The following ZMYND8 variants were observed in gnomAD, a reference collection of about 807,000 sequenced individuals.
ZMYND8 encodes the protein zinc finger MYND-type containing 8.
A neutral mutation model predicts 140.8 loss-of-function variants in ZMYND8; 37 were observed. The ratio of observed to expected loss-of-function variants is 0.26; its 90% CI spans 0.20 to 0.35. ZMYND8 has a LOEUF of 0.35. ZMYND8 is among the 10% of genes least tolerant of loss of function. The pLI, the probability that ZMYND8 is intolerant of heterozygous loss-of-function variation, is 1.00. For missense variants in ZMYND8, 1,068 were observed against 1,570.0 expected (o/e 0.68, Z 5.40); for synonymous variants, 592 against 597.1 (o/e 0.99, Z 0.12).
chr20:47,349,954 C>T (rs997760967), intron 1 of ZMYND8: 2 of 1,533,898 alleles, frequency 1.3e-6, no homozygotes, highest in African/African-American at 2.7e-5. Flanking sequence ...CTTGTAACAG[C>T]CTAGAGGAGC....
At chr20:47,347,963 C>G (rs749426085) in intron 1 of ZMYND8, 37 bp from the exon 2 acceptor site, 1 of 1,608,166 alleles carries the variant, frequency 6.2e-7, no homozygotes, top group Non-Finnish European at 8.5e-7. Context: ...TTTAGGAAGG[C>G]TGAGAACTTG....
At chr20:47,234,486 T>C (rs1054798074) in intron 16 of ZMYND8, among the ~76,000 whole-genome samples, 19 of 152,226 alleles carry the variant, frequency 1.2e-4, no homozygotes, top group Non-Finnish European at 2.8e-4. Flanking sequence ...GAGTGGATCC[T>C]TTCCCAGTTG....
rs567618551 is a variant in ZMYND8, at chr20:47,294,260, G to A, written c.567+406C>T. On this transcript the variant is annotated intron_variant, in intron 5 of 22. Coordinates refer to ENST00000471951, the MANE Select transcript of ZMYND8 (RefSeq NM_001281775.3). The stretch of plus-strand genomic sequence containing the variant: ...CCAGCTACTGGGGAGGCAGAGGCAC[G>A]AGAATCACTTGAACCTGGGAGGCAG... Among the ~76,000 whole-genome samples, 10 of 151,994 alleles carry A rather than the reference G, an allele frequency of 6.6e-5. 1 individual carries two copies. The highest frequency in any genetic ancestry group is 4.1e-4 in the South Asian group (2 of 4,822).
At chr20:47,308,879 T>C (rs1331924224) in intron 3 of ZMYND8, among the ~76,000 whole-genome samples, 1 of 152,222 alleles carries the variant, frequency 6.6e-6, no homozygotes, top group Non-Finnish European at 1.5e-5. Flanking sequence ...TCTCGTTTAA[T>C]TCAACTTTCC....
intron 2 of ZMYND8, among the ~76,000 whole-genome samples, chr20:47,343,487 A>G (rs1015350214): frequency 3.9e-5 from 6 of 152,130 alleles, no homozygotes; most frequent in African/African-American, 1.4e-4. Flanking sequence ...CATGAGGGAG[A>G]AAAGACTAAT....
chr20:47,352,075 T>A (rs1327409855), intron 1 of ZMYND8: 2 of 915,502 alleles, frequency 2.2e-6, no homozygotes, highest in Non-Finnish European at 2.6e-6. Flanking sequence ...GGTAGAAGGT[T>A]AGGAATCGTG....
chr20:47,251,797 C>G (rs1051353289), intron 12 of ZMYND8, among the ~76,000 whole-genome samples: 1 of 139,566 alleles, frequency 7.2e-6, no homozygotes, highest in Non-Finnish European at 1.5e-5. Context: ...GCCCGGCCGC[C>G]GCACCGTCTG....
intron 8 of ZMYND8, 125 bp downstream of exon 8, chr20:47,287,104 G>T (rs1439199320): frequency 5.3e-6 from 4 of 758,024 alleles, no homozygotes; most frequent in Non-Finnish European, 9.3e-6. Context: ...AAGAGTAGGG[G>T]TGTGGCCTCA....
intron 7 of ZMYND8, among the ~76,000 whole-genome samples, chr20:47,289,559 T>C (rs536149449): frequency 1.6e-4 from 24 of 150,520 alleles, no homozygotes; most frequent in East Asian, 7.8e-4. Context: ...ACAACCCAAA[T>C]ATCCATGAGC....
chr20:47,261,570 TCA>T (rs2075157083), intron 12 of ZMYND8, among the ~76,000 whole-genome samples: 1 of 151,192 alleles, frequency 6.6e-6, no homozygotes, highest in Non-Finnish European at 1.5e-5. Context: ...ATCATCATCA[TCA>T]TCATCATCAT....
chr20:47,291,951 T>C lies in ZMYND8; in HGVS notation c.568-63A>G, dbSNP rs911068126. 1.4e-5 allele frequency: 20 copies of C among 1,435,024 alleles called. No individual in the cohort carries two copies. The African/African-American group carries it at 1.4e-4, about 10-fold the overall frequency. 88.9% of individuals were successfully genotyped at this position (1,435,024 alleles called of 1,614,324 possible). On this transcript the variant is annotated intron_variant, in intron 5 of 22. Transcript: ENST00000471951. ...ATTACTATGGAAAACCAAGCATTAATGCTAACAAAAGGCTTGAAAAATTGA... is the reference window on the plus strand; with the variant it reads ...ATTACTATGGAAAACCAAGCATTAACGCTAACAAAAGGCTTGAAAAATTGA...
intron 21 of ZMYND8, among the ~76,000 whole-genome samples, chr20:47,213,154 C>A (rs568663759): frequency 2.0e-5 from 3 of 152,072 alleles, no homozygotes; most frequent in Admixed American, 2.0e-4. Context: ...ACAGTGATAA[C>A]AGAATAGGGA....
chr20:47,336,531 G>A (rs1366405522), intron 2 of ZMYND8, among the ~76,000 whole-genome samples: 4 of 152,170 alleles, frequency 2.6e-5, no homozygotes, highest in African/African-American at 4.8e-5. Flanking sequence ...GTATGGAGAC[G>A]TGAATTCAAC....
chr20:47,240,011 C>T (rs1046404105), intron 14 of ZMYND8, among the ~76,000 whole-genome samples: 1 of 151,964 alleles, frequency 6.6e-6, no homozygotes, highest in African/African-American at 2.4e-5. Flanking sequence ...CTGAGGCAGG[C>T]GGATCACTTG....
chr20:47,343,991 GTCTC>G (rs2082134434), intron 2 of ZMYND8, among the ~76,000 whole-genome samples: 1 of 125,910 alleles, frequency 7.9e-6, no homozygotes, highest in African/African-American at 3.2e-5. Flanking sequence ...TTTTGAGATA[GTCTC>G]ATTCTATCTC....
chr20:47,352,089 C>T, intron 1 of ZMYND8: 1 of 827,794 alleles, frequency 1.2e-6, no homozygotes, highest in Non-Finnish European at 1.5e-6. Flanking sequence ...AATCGTGCAG[C>T]CCCGTGGCAC....
At chr20:47,328,476 CT>C (rs34947617) in intron 2 of ZMYND8, among the ~76,000 whole-genome samples, 1 of 149,854 alleles carries the variant, frequency 6.7e-6, no homozygotes. Context: ...AAAGTTAATT[CT>C]TTTTTTTTTC....
chr20:47,315,201 G>GA (rs1298132501), intron 2 of ZMYND8, among the ~76,000 whole-genome samples: 2 of 152,182 alleles, frequency 1.3e-5, no homozygotes, highest in African/African-American at 4.8e-5. Flanking sequence ...AACAAAGGGG[G>GA]AAACTGAGGT....
chr20:47,314,620 G>T (rs572879548), intron 2 of ZMYND8, among the ~76,000 whole-genome samples: 1 of 152,360 alleles, frequency 6.6e-6, no homozygotes, highest in Non-Finnish European at 1.5e-5. Flanking sequence ...AGACTGGGAG[G>T]TACACTAGTT....
Sources: gnomAD v4.1 joint callset for allele counts (sites outside exome capture counted in the v4.1 genomes callset) on GRCh38, gnomAD v4.1.1 for gene constraint, MANE v1.5 for transcripts, NCBI Gene and HGNC (gene_info 2026-07-23, HGNC 2026-07-21) for gene names.